TAF5: variants seen among roughly 807,000 people sequenced by gnomAD.
TAF5 encodes the protein TATA-box binding protein associated factor 5, also known as transcription initiation factor TFIID subunit 5.
TAF5 carries 20 observed loss-of-function variants against 80.9 expected under a neutral mutation model. The ratio of observed to expected loss-of-function variants is 0.25; its 90% CI spans 0.17 to 0.36. TAF5 has a LOEUF of 0.36. Ranked by LOEUF, TAF5 falls within the 10% of genes least tolerant of loss-of-function variation. The probability of loss-of-function intolerance (pLI) is 1.00; values close to 1 mark genes in which losing one functional copy is unlikely to be tolerated. For synonymous variants in TAF5, 388 were observed against 406.4 expected (o/e 0.95, Z 0.55); for missense variants, 863 against 1,029.4 (o/e 0.84, Z 2.21).
chr10:103,373,476 A>T lies in TAF5; in HGVS notation c.678A>T (p.Glu226Asp), dbSNP rs1442830664. The change falls in exon 2 of 11, where the codon GAA becomes GAT. Residue 226 changes from glutamate (E) to aspartate (D), a missense_variant. Glu to Asp is a conservative substitution (Grantham distance 45). Around this residue, in one of 3 missense-constraint regions of TAF5, gnomAD observed 128 missense variants for 232.2 expected, o/e 0.55. Coordinates refer to ENST00000369839, the MANE Select transcript of TAF5 (RefSeq NM_006951.5). ...ATAGTGGACTGAAACACTTCATTGA[A>T]TGTTCCCTGGACTGCCATCGGGCAG... is the stretch of plus-strand genomic sequence containing the variant. ...EYYSGLKHFI[E>D]CSLDCHRAEL... 2 of 1,614,098 alleles carry T rather than the reference A, an allele frequency of 1.2e-6. No homozygotes were observed. The highest frequency in any genetic ancestry group is 1.3e-5 in the African/African-American group (1 of 74,938).
chr10:103,382,451 C>G (rs2093385036), intron 6 of TAF5, among the ~76,000 whole-genome samples: 1 of 152,016 alleles, frequency 6.6e-6, no homozygotes, highest in Non-Finnish European at 1.5e-5. Flanking sequence ...TCTCGAACTC[C>G]TGACCTCAAG....
rs140551705 is a variant in TAF5 at position 103,378,476 on chromosome 10, C to T, written c.1039C>T (p.Arg347Cys). ...LYIDIFDGMP[R>C]SKQQIDAMVG... ...CATTGACATCTTTGATGGGATGCCG[C>T]GTAGTAAGCAACAGATAGATGCGAT... Residue 347 changes from arginine (R) to cysteine (C), a missense_variant, in exon 3 of 11, where the codon CGT (arginine) becomes TGT (cysteine). Physicochemically the swap from Arg to Cys is radical, Grantham distance 180. Around this residue, in one of 3 missense-constraint regions of TAF5, gnomAD observed 128 missense variants for 232.2 expected, o/e 0.55. Transcript: ENST00000369839. This position sits in a 1 kb window ranked among gnomAD's most constrained non-coding sequence, Gnocchi z 4.1. 6.8e-6 allele frequency: 11 copies of T among 1,613,894 alleles called. No individual in the cohort carries two copies. The highest frequency in any genetic ancestry group is 7.6e-6 in the Non-Finnish European group (9 of 1,180,030).
Position 103,378,631 on chromosome 10 carries a change from T to G in TAF5, c.1113+81T>G, listed in dbSNP as rs1340750669. Reference sequence around the variant, plus strand: ...TCCATCTACATAAGTTACACATTTTTCTTATAGCTAGCTTGGAAACAATTT... The same window carrying G: ...TCCATCTACATAAGTTACACATTTTGCTTATAGCTAGCTTGGAAACAATTT... On this transcript the variant is annotated intron_variant, in intron 3 of 10. Coordinates refer to ENST00000369839, the MANE Select transcript of TAF5 (RefSeq NM_006951.5). This position sits in a 1 kb window ranked among gnomAD's most constrained non-coding sequence, Gnocchi z 4.1. The G allele has an allele frequency of 1.4e-6, 2 of 1,432,574 alleles. No individual in the cohort carries two copies. The highest frequency in any genetic ancestry group is 1.9e-6 in the Non-Finnish European group (2 of 1,072,226). 88.7% of individuals were successfully genotyped at this position (1,432,574 alleles called of 1,614,324 possible). A position where few individuals can be genotyped will look rare whatever the true frequency, so the allele number is the denominator to read the frequency against.
In TAF5 at chr10:103,388,375, T is replaced by A. The variant is rs1236485554; in HGVS notation, c.*152T>A. The stretch of plus-strand genomic sequence containing the variant: ...GCTTGGAAAAATCTGAACAGGACAG[T>A]TCCACGTTTCTATAGCAACCACATT... On this transcript the variant is annotated 3_prime_UTR_variant, in exon 11 of 11. Coordinates refer to ENST00000369839, the MANE Select transcript of TAF5 (RefSeq NM_006951.5). 6 of 651,408 alleles carry A rather than the reference T, an allele frequency of 9.2e-6. No homozygotes were observed. Among genetic ancestry groups the A allele is most frequent in the Middle Eastern group, 4.2e-4 (1 of 2,378 alleles). 40.4% of individuals were successfully genotyped at this position (651,408 alleles called of 1,614,324 possible). A position where few individuals can be genotyped will look rare whatever the true frequency, so the allele number is the denominator to read the frequency against.
chr10:103,369,040 G>A (rs554002527), intron 1 of TAF5, among the ~76,000 whole-genome samples: 1 of 150,390 alleles, frequency 6.6e-6, no homozygotes, highest in Admixed American at 6.6e-5. Flanking sequence ...GTGCAGTGGC[G>A]CAATCTTGGC....
In TAF5 at chr10:103,368,123, A is replaced by ACGG. The variant is rs2093349336; in HGVS notation, c.144_146dup (p.Gly49dup). ...GGCGGCACTACCAACAACGGCCCCAACGGCGGCGGCGGGAACGTTGCGGCG... is the reference window on the plus strand; with the variant it reads ...GGCGGCACTACCAACAACGGCCCCAACGGCGGCGGCGGCGGGAACGTTGCGGCG... On this transcript the variant is annotated inframe_insertion, in exon 1 of 11. Coordinates refer to ENST00000369839, the MANE Select transcript of TAF5 (RefSeq NM_006951.5). 8 of 1,403,266 alleles carry ACGG rather than the reference A, an allele frequency of 5.7e-6. No homozygotes were observed. The highest frequency in any genetic ancestry group is 1.9e-4 in the Middle Eastern group (1 of 5,384). 86.9% of individuals were successfully genotyped at this position (1,403,266 alleles called of 1,614,324 possible). A position where few individuals can be genotyped will look rare whatever the true frequency, so the allele number is the denominator to read the frequency against.
chr10:103,376,098 T>TC (rs897967557), intron 2 of TAF5, among the ~76,000 whole-genome samples: 7 of 149,654 alleles, frequency 4.7e-5, no homozygotes. Context: ...TGTGAATAAT[T>TC]TTTTTTTTTT....
At chr10:103,383,166 A>G in intron 6 of TAF5, 72 bp from the exon 7 acceptor site, 1 of 1,379,832 alleles carries the variant, frequency 7.2e-7, no homozygotes, top group Non-Finnish European at 9.7e-7. Flanking sequence ...CCTCTCCTGC[A>G]CTGTGATATG....
At chr10:103,371,584 C>A (rs1320162592) in intron 1 of TAF5, among the ~76,000 whole-genome samples, 1 of 152,130 alleles carries the variant, frequency 6.6e-6, no homozygotes, top group Non-Finnish European at 1.5e-5. Context: ...TAAATACTTA[C>A]GTTTTCTGTT....
intron 1 of TAF5, among the ~76,000 whole-genome samples, chr10:103,369,043 A>G (rs565761406): frequency 4.0e-5 from 6 of 151,316 alleles, no homozygotes; most frequent in Admixed American, 1.3e-4. Context: ...CAGTGGCGCA[A>G]TCTTGGCTCA....
At position 103,374,888 on chromosome 10, in the gene TAF5, G is replaced by T. The variant is rs1267642610; in HGVS notation, c.797+1293G>T. On this transcript the variant is annotated intron_variant, in intron 2 of 10. Transcript: ENST00000369839. The surrounding 1 kb of genome is among the most constrained non-coding windows in gnomAD (Gnocchi z 4.3). ...CGCCTTTAATCCCAGCACTTTGGGA[G>T]GCTGAGGCGGGTGGATCACTTTGAC... 6.6e-6 allele frequency among the ~76,000 whole-genome samples: 1 copy of T among 152,178 alleles called. No individual in the cohort carries two copies. The highest frequency in any genetic ancestry group is 1.5e-5 in the Non-Finnish European group (1 of 68,022).
At chr10:103,373,212 GATT>G (rs1454889299) in intron 1 of TAF5, 143 bp from the exon 2 acceptor site, 11 of 578,218 alleles carry the variant, frequency 1.9e-5, no homozygotes, top group Non-Finnish European at 2.6e-5. Context: ...AAAAAAAAAA[GATT>G]ATGTGATTGT....
rs1386927223 is a variant in TAF5, at chr10:103,385,590, T to C, written c.1829+100T>C. The C allele has an allele frequency of 6.8e-6, 9 of 1,325,364 alleles. No individual in the cohort carries two copies. The East Asian group carries it at 1.5e-4, about 22-fold the overall frequency. The allele number at this position is 1,325,364 out of a possible 1,614,324, so 82.1% of individuals were successfully genotyped here. A position where few individuals can be genotyped will look rare whatever the true frequency, so the allele number is the denominator to read the frequency against. On this transcript the variant is annotated intron_variant, in intron 8 of 10. Coordinates refer to ENST00000369839, the MANE Select transcript of TAF5 (RefSeq NM_006951.5). ...GCCAAATTCATTTACACTTCCATTA[T>C]TGAGGTTCAACTTTCTGAGAAGCTT...
intron 1 of TAF5, 116 bp downstream of exon 1, chr10:103,368,664 C>CT (rs1446062334): frequency 1.5e-6 from 2 of 1,304,590 alleles, no homozygotes; most frequent in Non-Finnish European, 2.0e-6. Context: ...GGGCCCGCCT[C>CT]TAGGGCCACA....
intron 1 of TAF5, among the ~76,000 whole-genome samples, chr10:103,369,236 C>T (rs1006402193): frequency 2.0e-5 from 3 of 152,146 alleles, no homozygotes; most frequent in African/African-American, 4.8e-5. Flanking sequence ...GCCTCGGCCT[C>T]CTACAGTGCT....
chr10:103,381,728 C>T lies in TAF5; in HGVS notation c.1421C>T (p.Thr474Ile). The T allele has an allele frequency of 6.2e-7, 1 of 1,614,170 alleles. No homozygotes were observed. Among genetic ancestry groups the T allele is most frequent in the Middle Eastern group, 1.6e-4 (1 of 6,062 alleles). ...YTFLNAYQGLTAVDVTDDSSL... is the reference protein window; with the variant it reads ...YTFLNAYQGLIAVDVTDDSSL... ...TAACCCTTTTATTGGCAGGGTCTCA[C>T]TGCAGTGGATGTCACTGATGATTCT... Residue 474 changes from threonine (T) to isoleucine (I), a missense_variant, in exon 6 of 11, where the codon ACT (threonine) becomes ATT (isoleucine). By Grantham distance (89) the Thr-to-Ile change is moderately conservative (BLOSUM62 -1). This residue lies in a region of TAF5 where 368 missense variants were observed against 461.7 expected (regional missense o/e 0.80). Transcript: ENST00000369839.
chr10:103,386,242 C>G (rs962814135), intron 8 of TAF5, among the ~76,000 whole-genome samples: 1 of 151,842 alleles, frequency 6.6e-6, no homozygotes, highest in African/African-American at 2.4e-5. Flanking sequence ...AGTTCCAGAC[C>G]AGCCTGGCCA....
At position 103,385,469 on chromosome 10, in the gene TAF5, G is replaced by A. The variant is rs1302484749; in HGVS notation, c.1808G>A (p.Gly603Glu). Residue 603 changes from glycine (G) to glutamate (E), a missense_variant, in exon 8 of 11, where the codon GGG becomes GAG. By Grantham distance (98) the Gly-to-Glu change is moderately conservative. Around this residue, in one of 3 missense-constraint regions of TAF5, gnomAD observed 368 missense variants for 461.7 expected, o/e 0.80. Transcript: ENST00000369839. ...CCATATGGATATTATTTTGTGTCAGGGGGCCATGACCGAGTAGCTCGGTAA... is the reference window on the plus strand; with the variant it reads ...CCATATGGATATTATTTTGTGTCAGAGGGCCATGACCGAGTAGCTCGGTAA... ...FSPYGYYFVS[G>E]GHDRVARLWA... 6.2e-7 allele frequency: 1 copy of A among 1,613,982 alleles called. No individual in the cohort carries two copies. The highest frequency in any genetic ancestry group is 1.7e-5 in the Admixed American group (1 of 59,998).
intron 5 of TAF5, 129 bp from the exon 6 acceptor site, chr10:103,381,592 A>T: frequency 9.4e-7 from 1 of 1,060,936 alleles, no homozygotes; most frequent in South Asian, 1.7e-5. Flanking sequence ...GAATTTTAAA[A>T]GTCTTTATAT....
Sources: allele counts gnomAD v4.1 joint callset (sites outside exome capture counted in the v4.1 genomes callset), GRCh38; gene constraint gnomAD v4.1.1; regional missense constraint gnomAD v4.1.1; non-coding constraint Gnocchi (gnomAD v3.1); transcripts MANE v1.5; gene names NCBI Gene and HGNC (gene_info 2026-07-23, HGNC 2026-07-21).